CPS1: variants seen among roughly 807,000 people sequenced by gnomAD.
CPS1 encodes carbamoyl-phosphate synthase 1.
A neutral mutation model predicts 174.6 loss-of-function variants in CPS1; 109 were observed. The observed-to-expected ratio is 0.62, with a 90% CI of 0.53 to 0.73. The LOEUF is 0.73. Ranked by LOEUF, CPS1 falls within the 30% of genes least tolerant of loss-of-function variation. The pLI is 0.00. For synonymous variants in CPS1, 637 were observed against 632.0 expected, an observed-to-expected ratio of 1.01 and a Z score of -0.12; for missense variants, 1,689 against 1,821.9, an observed-to-expected ratio of 0.93 and a Z score of 1.33.
intron 1 of CPS1, among the ~76,000 whole-genome samples, chr2:210,501,628 T>C (rs1003483800): frequency 6.6e-5 from 10 of 152,190 alleles, no homozygotes; most frequent in Non-Finnish European, 1.5e-4. Flanking sequence ...TACTCACCTT[T>C]ATTCTAATTC....
chr2:210,648,445 C>T, intron 26 of CPS1, 28 bp from the exon 27 acceptor site: 2 of 1,571,610 alleles, frequency 1.3e-6, no homozygotes, highest in Non-Finnish European at 1.8e-6. Flanking sequence ...ACTACTCATA[C>T]ATTTTTATTG....
intron 10 of CPS1, among the ~76,000 whole-genome samples, chr2:210,592,496 C>T (rs773762229): frequency 6.6e-6 from 1 of 151,928 alleles, no homozygotes; most frequent in Non-Finnish European, 1.5e-5. Context: ...ACTTACTTGG[C>T]ACTGGTGTAG....
chr2:210,639,468 C>T (rs991069466), intron 23 of CPS1, among the ~76,000 whole-genome samples: 1 of 150,746 alleles, frequency 6.6e-6, no homozygotes. Flanking sequence ...AAAAATTAGC[C>T]GGGCGCGGTG....
Position 210,577,410 on chromosome 2 carries a change from T to C in CPS1, c.382-11T>C. On this transcript the variant is annotated splice_polypyrimidine_tract_variant and intron_variant, in intron 3 of 37. Coordinates refer to ENST00000233072, the MANE Select transcript of CPS1 (RefSeq NM_001875.5). ...TGATAACCTCTTTAAAATGACTGTC[T>C]GTCTTTCTAGGTTTCAGGTTTGCTG... 6.2e-7 allele frequency: 1 copy of C among 1,603,666 alleles called. No individual in the cohort carries two copies. The highest frequency in any genetic ancestry group is 8.5e-7 in the Non-Finnish European group (1 of 1,170,594).
intron 29 of CPS1, among the ~76,000 whole-genome samples, chr2:210,655,764 G>T (rs1700684493): frequency 6.6e-6 from 1 of 152,132 alleles, no homozygotes. Context: ...ACTGTTTTAA[G>T]ACGTTGCTAA....
At chr2:210,569,587 T>G (rs1697412988) in intron 1 of CPS1, among the ~76,000 whole-genome samples, 1 of 152,080 alleles carries the variant, frequency 6.6e-6, no homozygotes, top group African/African-American at 2.4e-5. Flanking sequence ...TCTAGCCTTT[T>G]ACTAAACGAG....
In CPS1 at chr2:210,595,523, T is replaced by C; in HGVS notation, c.1300T>C (p.Ser434Pro). 6.2e-7 allele frequency: 1 copy of C among 1,611,638 alleles called. No homozygotes were observed. Among genetic ancestry groups the C allele is most frequent in the Non-Finnish European group, 8.5e-7 (1 of 1,178,400 alleles). ...CCTTATTCTAGGATCAGGAGGTCTGTCCATTGGTCAGGCTGGAGAATTTGA... is the reference window on the plus strand; with the variant it reads ...CCTTATTCTAGGATCAGGAGGTCTGCCCATTGGTCAGGCTGGAGAATTTGA... ...KVLILGSGGL[S>P]IGQAGEFDYS... The change falls in exon 13 of 38, where the codon TCC (serine) becomes CCC (proline). Residue 434 changes from serine (S) to proline (P), a missense_variant. Coordinates refer to ENST00000233072, the MANE Select transcript of CPS1 (RefSeq NM_001875.5).
chr2:210,668,211 A>C lies in CPS1; in HGVS notation c.4028A>C (p.His1343Pro). ...GTGGCTTGCTTTGGTGAAGGTATTC[A>C]TACAGCCTTCCTAAAGGCAATGCTT... ...GEVACFGEGI[H>P]TAFLKAMLST... Residue 1343 changes from histidine to proline, a missense_variant, in exon 34 of 38, where the codon CAT becomes CCT. By Grantham distance (77) the His-to-Pro change is moderately conservative. Transcript: ENST00000233072. 2 of 1,613,764 alleles carry C rather than the reference A, an allele frequency of 1.2e-6. No homozygotes were observed. The highest frequency in any genetic ancestry group is 1.7e-6 in the Non-Finnish European group (2 of 1,179,850).
chr2:210,532,220 G>C (rs1378474342), intron 1 of CPS1, among the ~76,000 whole-genome samples: 14 of 152,110 alleles, frequency 9.2e-5, no homozygotes, highest in Admixed American at 9.2e-4. Context: ...TTATTAGAGA[G>C]TTCAAAACGT....
At chr2:210,597,121 A>C (rs1211011367) in intron 13 of CPS1, among the ~76,000 whole-genome samples, 1 of 151,918 alleles carries the variant, frequency 6.6e-6, no homozygotes, top group Non-Finnish European at 1.5e-5. Context: ...AAAAATACTT[A>C]AATATACTAA....
intron 4 of CPS1, 97 bp downstream of exon 4, chr2:210,577,607 G>T: frequency 1.1e-6 from 1 of 916,308 alleles, no homozygotes; most frequent in South Asian, 1.3e-5. Context: ...AGATCATGTA[G>T]TTTGGGATCT....
At chr2:210,676,316 A>G (rs1001412169) in intron 36 of CPS1, among the ~76,000 whole-genome samples, 1 of 152,172 alleles carries the variant, frequency 6.6e-6, no homozygotes, top group African/African-American at 2.4e-5. Context: ...CATGCCTTAG[A>G]CCATGTCATC....
chr2:210,485,474 C>G (rs73071716), intron 1 of CPS1, among the ~76,000 whole-genome samples: 6,120 of 152,150 alleles, frequency 0.04, 370 homozygotes, highest in African/African-American at 0.13. Flanking sequence ...AATCACTGAT[C>G]TGCTGTCTGA....
chr2:210,581,583 G>A (rs776647403), intron 5 of CPS1, among the ~76,000 whole-genome samples: 6 of 152,078 alleles, frequency 3.9e-5, no homozygotes, highest in Admixed American at 6.6e-5. Flanking sequence ...TAGACAAGGG[G>A]TTATGCGACT....
chr2:210,650,588 T>G, intron 28 of CPS1, 150 bp downstream of exon 28: 1 of 709,946 alleles, frequency 1.4e-6, no homozygotes, highest in Admixed American at 2.2e-5. Flanking sequence ...TGAGTTTTCT[T>G]TTTTCCTCTT....
chr2:210,664,207 C>T (rs896290924), intron 33 of CPS1, among the ~76,000 whole-genome samples: 16 of 152,122 alleles, frequency 1.1e-4, no homozygotes, highest in African/African-American at 2.9e-4. Flanking sequence ...CATCTCCAGT[C>T]GGTTTAAGGA....
intron 1 of CPS1, among the ~76,000 whole-genome samples, chr2:210,504,621 G>A (rs1233456641): frequency 6.6e-6 from 1 of 152,176 alleles, no homozygotes; most frequent in African/African-American, 2.4e-5. Context: ...GATTCCAAAG[G>A]GTTGTGTATT....
chr2:210,553,866 G>T (rs1264679363), upstream of CPS1, among the ~76,000 whole-genome samples: 4 of 151,380 alleles, frequency 2.6e-5, no homozygotes, highest in Admixed American at 6.6e-5. Context: ...TTCCAGTTTG[G>T]TTATAGATTT....
chr2:210,607,609 G>T (rs987598601), intron 18 of CPS1, among the ~76,000 whole-genome samples: 30 of 151,970 alleles, frequency 2.0e-4, no homozygotes, highest in African/African-American at 7.0e-4. Context: ...GCGTGGAGTG[G>T]TGAAAGGCAT....
Sources: allele counts gnomAD v4.1 joint callset (sites outside exome capture counted in the v4.1 genomes callset), GRCh38; gene constraint gnomAD v4.1.1; transcripts MANE v1.5; gene names NCBI Gene and HGNC (gene_info 2026-07-23, HGNC 2026-07-21).